The following CNTN5 variants were observed in gnomAD, a reference collection of about 807,000 sequenced individuals.
The protein encoded by CNTN5 is contactin 5, also known as contactin-5.
In CNTN5, 77 loss-of-function variants were observed where a neutral mutation model predicts 129.1. That is an observed-to-expected ratio of 0.60 (90% confidence interval 0.50 to 0.72). The LOEUF (loss-of-function observed/expected upper bound fraction) is 0.72. Ranked by LOEUF, CNTN5 falls within the 30% of genes least tolerant of loss-of-function variation. The probability of loss-of-function intolerance (pLI) is 0.00; values close to 1 mark genes in which losing one functional copy is unlikely to be tolerated. For synonymous variants in CNTN5, 509 were observed against 465.6 expected (o/e 1.09, Z -1.20); for missense variants, 1,478 against 1,328.8 (o/e 1.11, Z -1.75).
intron 9 of CNTN5, among the ~76,000 whole-genome samples, chr11:100,042,639 C>T (rs1942446762): frequency 6.6e-6 from 1 of 152,110 alleles, no homozygotes; most frequent in Non-Finnish European, 1.5e-5. Flanking sequence ...TAAAAAATAC[C>T]TTTAATGACT....
intron 1 of CNTN5, among the ~76,000 whole-genome samples, chr11:99,208,981 A>T (rs540115848): frequency 6.6e-6 from 1 of 152,228 alleles, no homozygotes; most frequent in East Asian, 1.9e-4. Flanking sequence ...ATAGAGGCCT[A>T]TTTAATATGT....
At chr11:99,970,193 G>T (rs980809734) in intron 8 of CNTN5, among the ~76,000 whole-genome samples, 17 of 152,084 alleles carry the variant, frequency 1.1e-4, no homozygotes, top group Admixed American at 9.2e-4. Context: ...CCATATCAGT[G>T]GCTTTGAACT....
At chr11:100,288,366 T>C (rs1229816602) in intron 18 of CNTN5, among the ~76,000 whole-genome samples, 1 of 151,774 alleles carries the variant, frequency 6.6e-6, no homozygotes, top group African/African-American at 2.4e-5. Flanking sequence ...GAAGTAAAGC[T>C]CTCCTCAGCA....
rs1220179962 is a variant in CNTN5 at position 100,148,441 on chromosome 11, C to G, written c.1581-42685C>G. Among the ~76,000 whole-genome samples, 3 of 152,170 alleles carry G rather than the reference C, an allele frequency of 2.0e-5. No homozygotes were observed. The South Asian group carries it at 6.2e-4, about 32-fold the overall frequency. On this transcript the variant is annotated intron_variant, in intron 13 of 24. Transcript: ENST00000524871. ...CATAGCCTCTTTCTCTTTTCCCTGC[C>G]CTTCCAAGCTTTAACAATATATCTC...
At chr11:99,958,315 C>T (rs1430379137) in intron 8 of CNTN5, among the ~76,000 whole-genome samples, 1 of 152,204 alleles carries the variant, frequency 6.6e-6, no homozygotes, top group Admixed American at 6.5e-5. Context: ...TAATGAATTA[C>T]AGGCTTTGGA....
At chr11:99,889,655 C>T (rs1390726427) in intron 6 of CNTN5, among the ~76,000 whole-genome samples, 4 of 151,504 alleles carry the variant, frequency 2.6e-5, no homozygotes, top group Non-Finnish European at 4.4e-5. Context: ...CCTGCCTCAG[C>T]CTCCCGAGTA....
In CNTN5 at chr11:100,268,881, G is replaced by A. The variant is rs555646599; in HGVS notation, c.2165-2211G>A. Among the ~76,000 whole-genome samples, 270 of 152,232 alleles carry A rather than the reference G, an allele frequency of 1.8e-3. 2 individuals are homozygous for A. The highest frequency in any genetic ancestry group is 4.3e-4 in the Non-Finnish European group (29 of 68,016). On this transcript the variant is annotated intron_variant, in intron 17 of 24. Transcript: ENST00000524871. Reference sequence around the variant, plus strand: ...TGTAAGAAAGCAATTGTCATTCCCCGTATAAGAATACCGCAGAAATCTATT... The same window carrying A: ...TGTAAGAAAGCAATTGTCATTCCCCATATAAGAATACCGCAGAAATCTATT...
At chr11:99,929,867 A>G (rs1349764653) in intron 7 of CNTN5, among the ~76,000 whole-genome samples, 1 of 152,168 alleles carries the variant, frequency 6.6e-6, no homozygotes, top group Non-Finnish European at 1.5e-5. Context: ...TCCTGTTGGA[A>G]GAAAGAATTT....
At chr11:99,159,546 C>T (rs1282314430) in intron 1 of CNTN5, among the ~76,000 whole-genome samples, 1 of 152,068 alleles carries the variant, frequency 6.6e-6, no homozygotes, top group Non-Finnish European at 1.5e-5. Context: ...GGCGTGAACC[C>T]GGGAGGTGGA....
At chr11:99,633,470 G>A (rs1011791963) in intron 3 of CNTN5, among the ~76,000 whole-genome samples, 13 of 152,034 alleles carry the variant, frequency 8.6e-5, no homozygotes, top group African/African-American at 3.1e-4. Flanking sequence ...TGGATATTGC[G>A]ATACATATTT....
chr11:99,434,189 G>A (rs1158512848), intron 2 of CNTN5, among the ~76,000 whole-genome samples: 1 of 152,072 alleles, frequency 6.6e-6, no homozygotes, highest in Non-Finnish European at 1.5e-5. Flanking sequence ...GTATTATTTG[G>A]CACCACAGCC....
chr11:100,149,185 T>A (rs192675227), intron 13 of CNTN5, among the ~76,000 whole-genome samples: 95 of 152,308 alleles, frequency 6.2e-4, no homozygotes, highest in African/African-American at 1.6e-3. Context: ...AAATGTCTGT[T>A]CCTCTAAACT....
intron 7 of CNTN5, among the ~76,000 whole-genome samples, chr11:99,950,466 G>A (rs889736503): frequency 3.3e-5 from 5 of 152,076 alleles, no homozygotes; most frequent in South Asian, 2.1e-4. Context: ...GGGTGACAGA[G>A]CGAGACTCCG....
intron 9 of CNTN5, among the ~76,000 whole-genome samples, chr11:100,040,896 A>G (rs1202755169): frequency 6.6e-6 from 1 of 152,096 alleles, no homozygotes; most frequent in Non-Finnish European, 1.5e-5. Context: ...TTGACTAGGA[A>G]AGGGAATTCC....
At chr11:99,131,503 A>G (rs1169598520) in intron 1 of CNTN5, among the ~76,000 whole-genome samples, 13 of 151,974 alleles carry the variant, frequency 8.6e-5, no homozygotes. Flanking sequence ...ATAGACCACA[A>G]GTGAGAGTAA....
Position 99,733,035 on chromosome 11 carries a change from A to C in CNTN5, c.56-86509A>C, listed in dbSNP as rs566713895. Among the ~76,000 whole-genome samples the C allele has an allele frequency of 1.1e-3, 175 of 152,208 alleles. 2 individuals are homozygous for C. The highest frequency in any genetic ancestry group is 3.9e-3 in the African/African-American group (160 of 41,512). ...ATCTGCTGGTGACCCTGGAACAGTGAAAGTCCTTGGCCGGGCGCGGTGGCT... is the reference window on the plus strand; with the variant it reads ...ATCTGCTGGTGACCCTGGAACAGTGCAAGTCCTTGGCCGGGCGCGGTGGCT... On this transcript the variant is annotated intron_variant, in intron 3 of 24. Coordinates refer to ENST00000524871, the MANE Select transcript of CNTN5 (RefSeq NM_014361.4).
chr11:100,157,601 A>G (rs1411351528), intron 13 of CNTN5, among the ~76,000 whole-genome samples: 2 of 151,850 alleles, frequency 1.3e-5, no homozygotes, highest in Admixed American at 6.6e-5. Context: ...CAAATTCTGA[A>G]AATTATATGA....
At chr11:99,954,774 C>T (rs141230429) in intron 7 of CNTN5, among the ~76,000 whole-genome samples, 233 of 152,270 alleles carry the variant, frequency 1.5e-3, no homozygotes, top group South Asian at 0.01. Context: ...CCACTGCAAA[C>T]TCAGGTTGTC....
intron 3 of CNTN5, among the ~76,000 whole-genome samples, chr11:99,591,245 A>T (rs1473671201): frequency 1.3e-5 from 2 of 151,502 alleles, no homozygotes; most frequent in Non-Finnish European, 2.9e-5. Flanking sequence ...CCCTGCTAAC[A>T]CCAGCAGAGC....
Sources: gnomAD v4.1 joint callset for allele counts (sites outside exome capture counted in the v4.1 genomes callset) on GRCh38, gnomAD v4.1.1 for gene constraint, MANE v1.5 for transcripts, NCBI Gene and HGNC (gene_info 2026-07-23, HGNC 2026-07-21) for gene names.